PKIB: variants seen among roughly 807,000 people sequenced by gnomAD.
PKIB encodes the protein PKI-beta.
In PKIB, 2 loss-of-function variants were observed where a neutral mutation model predicts 4.5. The ratio of observed to expected loss-of-function variants is 0.44; its 90% CI spans 0.18 to 1.39. PKIB has a LOEUF of 1.39. Ranked by LOEUF, PKIB falls within the 40% of genes most tolerant of loss-of-function variation. The pLI, the probability that PKIB is intolerant of heterozygous loss-of-function variation, is 0.27. For missense variants in PKIB, 94 were observed against 92.6 expected (o/e 1.02, Z -0.06); for synonymous variants, 38 against 36.0 (o/e 1.06, Z -0.20).
At chr6:122,700,571 C>G (rs750969944) in intron 3 of PKIB, among the ~76,000 whole-genome samples, 1 of 152,140 alleles carries the variant, frequency 6.6e-6, no homozygotes, top group Admixed American at 6.6e-5. Flanking sequence ...CAGAGTGGTA[C>G]AGGGAAAGAA....
At chr6:122,551,542 GT>G (rs1300695339) in intron 2 of PKIB, among the ~76,000 whole-genome samples, 4 of 151,886 alleles carry the variant, frequency 2.6e-5, no homozygotes, top group African/African-American at 9.7e-5. Flanking sequence ...TTCTATTATT[GT>G]TTTTCTCTCT....
chr6:122,690,930 A>AT (rs1287193423), intron 3 of PKIB, among the ~76,000 whole-genome samples: 208 of 131,092 alleles, frequency 1.6e-3, no homozygotes, highest in South Asian at 7.5e-3. Context: ...ATATATATAT[A>AT]TATTTTTTTT....
chr6:122,538,247 C>G (rs1415252537), intron 2 of PKIB, among the ~76,000 whole-genome samples: 5 of 152,004 alleles, frequency 3.3e-5, no homozygotes, highest in Non-Finnish European at 4.4e-5. Context: ...ACATGAAGTC[C>G]TTGCCCATGC....
chr6:122,516,237 CT>C (rs989041495), intron 2 of PKIB, among the ~76,000 whole-genome samples: 4 of 152,168 alleles, frequency 2.6e-5, no homozygotes, highest in African/African-American at 7.2e-5. Flanking sequence ...GCTGTCTTCT[CT>C]TTTGGTCTTC....
chr6:122,516,557 A>G (rs1045696555), intron 2 of PKIB, among the ~76,000 whole-genome samples: 3 of 152,134 alleles, frequency 2.0e-5, no homozygotes, highest in Non-Finnish European at 2.9e-5. Flanking sequence ...GACTAATCCT[A>G]TAGACCTTGC....
At chr6:122,630,991 C>T (rs556958829) in intron 1 of PKIB, among the ~76,000 whole-genome samples, 7 of 152,180 alleles carry the variant, frequency 4.6e-5, no homozygotes, top group East Asian at 1.9e-4. Context: ...CATTTTTTGT[C>T]GTTTTTATGT....
upstream of PKIB, among the ~76,000 whole-genome samples, chr6:122,606,798 CT>C (rs1251161524): frequency 6.6e-6 from 1 of 152,068 alleles, no homozygotes; most frequent in East Asian, 1.9e-4. Context: ...ATGGTAACTA[CT>C]GTCCACTTCT....
At chr6:122,511,782 C>T (rs548238911) in intron 2 of PKIB, among the ~76,000 whole-genome samples, 28 of 152,286 alleles carry the variant, frequency 1.8e-4, no homozygotes, top group South Asian at 6.2e-4. Context: ...GCGTAATCTA[C>T]GGTAATAGTG....
chr6:122,646,354 A>G (rs565166060), intron 2 of PKIB, among the ~76,000 whole-genome samples: 2 of 152,302 alleles, frequency 1.3e-5, no homozygotes, highest in East Asian at 3.9e-4. Flanking sequence ...CTTCACTTCT[A>G]AGGACTAAGA....
At chr6:122,701,310 A>G (rs941132501) in intron 3 of PKIB, 5 of 693,430 alleles carry the variant, frequency 7.2e-6, no homozygotes, top group Non-Finnish European at 1.2e-5. Flanking sequence ...CAATGTCTGT[A>G]TTGCTGCTCC....
intron 2 of PKIB, among the ~76,000 whole-genome samples, chr6:122,653,426 A>G (rs1291684053): frequency 6.6e-6 from 1 of 151,970 alleles, no homozygotes; most frequent in African/African-American, 2.4e-5. Flanking sequence ...GGCGACCAAG[A>G]GGAAAGACAT....
chr6:122,517,669 A>C (rs1776803607), intron 2 of PKIB, among the ~76,000 whole-genome samples: 1 of 152,192 alleles, frequency 6.6e-6, no homozygotes. Context: ...TCTGGCTTTT[A>C]TTATTATTTT....
At chr6:122,703,866 G>T (rs1033000753) in intron 3 of PKIB, among the ~76,000 whole-genome samples, 1 of 146,584 alleles carries the variant, frequency 6.8e-6, no homozygotes, top group East Asian at 2.0e-4. Context: ...AAAGCTCTAC[G>T]TAAGAACGGC....
At chr6:122,648,767 A>G (rs1776425302) in intron 2 of PKIB, among the ~76,000 whole-genome samples, 1 of 152,190 alleles carries the variant, frequency 6.6e-6, no homozygotes, top group Non-Finnish European at 1.5e-5. Context: ...AGTCTCATAC[A>G]ATCAACCTGT....
chr6:122,701,765 G>A (rs764578211), intron 3 of PKIB, among the ~76,000 whole-genome samples: 6 of 152,096 alleles, frequency 3.9e-5, no homozygotes, highest in African/African-American at 1.2e-4. Context: ...ATTGGTGAAC[G>A]AAAGATTCCT....
chr6:122,524,299 C>G (rs1777034761), intron 2 of PKIB, among the ~76,000 whole-genome samples: 1 of 149,558 alleles, frequency 6.7e-6, no homozygotes, highest in Non-Finnish European at 1.5e-5. Flanking sequence ...TCCTCCTCAT[C>G]CTCTTTCTTT....
At chr6:122,581,086 A>G (rs1330295933) in intron 2 of PKIB, among the ~76,000 whole-genome samples, 3 of 152,186 alleles carry the variant, frequency 2.0e-5, no homozygotes, top group Non-Finnish European at 4.4e-5. Flanking sequence ...TAGTTATTGC[A>G]CAGGCGGAAT....
chr6:122,561,998 T>G lies in PKIB; in HGVS notation c.-247-23923T>G, dbSNP rs551953747. On this transcript the variant is annotated intron_variant, in intron 2 of 6. Coordinates refer to the PKIB transcript ENST00000392491. ...AGTTTTTTTTTGTTTGTTTTTGTTTTTTTTTGTTTTTTTTTTTTTTTGCTT... is the reference window on the plus strand; with the variant it reads ...AGTTTTTTTTTGTTTGTTTTTGTTTGTTTTTGTTTTTTTTTTTTTTTGCTT... Among the ~76,000 whole-genome samples the G allele has an allele frequency of 5.8e-4, 77 of 132,844 alleles. 2 individuals carry two copies. The highest frequency in any genetic ancestry group is 1.9e-3 in the African/African-American group (59 of 30,978). The allele number at this position is 132,844 out of a possible 152,430, so 87.2% of individuals were successfully genotyped here.
At chr6:122,587,737 T>C (rs1331320304) in intron 3 of PKIB, among the ~76,000 whole-genome samples, 2 of 152,218 alleles carry the variant, frequency 1.3e-5, no homozygotes, top group African/African-American at 4.8e-5. Flanking sequence ...TGTGAGATGG[T>C]ACCTCATTGT....
Sources: allele counts gnomAD v4.1 joint callset (sites outside exome capture counted in the v4.1 genomes callset), GRCh38; gene constraint gnomAD v4.1.1; transcripts MANE v1.5; gene names NCBI Gene and HGNC (gene_info 2026-07-23, HGNC 2026-07-21).